Variants in PSME4 observed in about 807,000 individuals in gnomAD.
The protein encoded by PSME4 is proteasome activator complex subunit 4.
PSME4 carries 89 observed loss-of-function variants against 253.9 expected under a neutral mutation model. That is an observed-to-expected ratio of 0.35 (90% CI 0.30 to 0.42). PSME4 has a LOEUF of 0.42. Among genes scored for constraint, PSME4 ranks in the 10% least tolerant of loss-of-function variants. The pLI is 1.00. For missense variants in PSME4, 2,014 were observed against 2,195.2 expected, an observed-to-expected ratio of 0.92 and a Z score of 1.65; for synonymous variants, 851 against 759.2, an observed-to-expected ratio of 1.12 and a Z score of -1.99.
chr2:53,895,598 TA>T lies in PSME4; in HGVS notation c.3826del (p.Tyr1276ThrfsTer27). 1 of 1,612,216 alleles carries T rather than the reference TA, an allele frequency of 6.2e-7. No homozygotes were observed. Among genetic ancestry groups the T allele is most frequent in the Non-Finnish European group, 8.5e-7 (1 of 1,179,232 alleles). ...SCFVEKTHWG[Y>X]YTWPKNMVVY... The stretch of plus-strand genomic sequence containing the variant: ...AGTTACTTACTTTGGCCAGGTGTAG[TA>T]TCCCCAGTGAGTTTTTTCCACAAAG... On this transcript the variant is annotated frameshift_variant, in exon 33 of 47. Transcript: ENST00000404125. LOFTEE classifies it high-confidence loss of function.
At chr2:53,897,499 C>A (rs1364721721) in intron 31 of PSME4, among the ~76,000 whole-genome samples, 2 of 152,106 alleles carry the variant, frequency 1.3e-5, no homozygotes, top group Non-Finnish European at 2.9e-5. Context: ...AGGTCTTTCT[C>A]CAATGCTTCA....
At chr2:53,930,777 T>C (rs1410766476) in intron 10 of PSME4, among the ~76,000 whole-genome samples, 1 of 152,184 alleles carries the variant, frequency 6.6e-6, no homozygotes, top group Non-Finnish European at 1.5e-5. Flanking sequence ...GGCTATAGTC[T>C]GAATTCTACC....
At chr2:53,872,815 T>C (rs1678946321) in intron 43 of PSME4, among the ~76,000 whole-genome samples, 4 of 136,002 alleles carry the variant, frequency 2.9e-5, no homozygotes, top group African/African-American at 1.1e-4. Flanking sequence ...ATGCAAGCGG[T>C]ATAATAATTA....
At chr2:53,911,807 A>G (rs1413081022) in intron 20 of PSME4, among the ~76,000 whole-genome samples, 1 of 152,222 alleles carries the variant, frequency 6.6e-6, no homozygotes, top group Non-Finnish European at 1.5e-5. Flanking sequence ...AATTAAAAAA[A>G]GCATTCTTTA....
rs138551875 is a variant in PSME4 at position 53,959,268 on chromosome 2, G to C, written c.243-9985C>G. On this transcript the variant is annotated intron_variant, in intron 1 of 46. Transcript: ENST00000404125. ...TAGTCCCAGCTATTTGGGAGGCTGAGGCAGGAGAATCGCTGGAACCCAGGA... is the reference window on the plus strand; with the variant it reads ...TAGTCCCAGCTATTTGGGAGGCTGACGCAGGAGAATCGCTGGAACCCAGGA... 2.7e-3 allele frequency among the ~76,000 whole-genome samples: 418 copies of C among 152,234 alleles called. 2 individuals carry two copies. The highest frequency in any genetic ancestry group is 9.3e-3 in the African/African-American group (388 of 41,528).
At chr2:53,969,675 G>A (rs1265243648) in intron 1 of PSME4, among the ~76,000 whole-genome samples, 5 of 141,774 alleles carry the variant, frequency 3.5e-5, no homozygotes. Context: ...TTCCCCCACT[G>A]TATTTTCACT....
In PSME4 at chr2:53,908,472, G is replaced by A. The variant is rs184481196; in HGVS notation, c.2685+38C>T. ...GCAAGTCATCAATCCAAGCTTGATC[G>A]TATTAATCATTATGCAACTATCAAA... On this transcript the variant is annotated intron_variant, in intron 23 of 46. Transcript: ENST00000404125. The A allele has an allele frequency of 6.5e-4, 1,054 of 1,610,392 alleles. 10 individuals are homozygous for A. In the Admixed American group the frequency reaches 0.015, roughly 24 times the overall value.
At chr2:53,948,041 C>T (rs1045037241) in intron 3 of PSME4, among the ~76,000 whole-genome samples, 6 of 152,056 alleles carry the variant, frequency 3.9e-5, no homozygotes, top group Non-Finnish European at 7.4e-5. Flanking sequence ...ATAAGCCAAA[C>T]GTGCTAAAAC....
At chr2:53,918,426 T>C (rs1012657792) in intron 20 of PSME4, among the ~76,000 whole-genome samples, 2 of 152,168 alleles carry the variant, frequency 1.3e-5, no homozygotes, top group African/African-American at 4.8e-5. Context: ...TGATCTCAGC[T>C]CCCTGCAACC....
chr2:53,930,541 G>A (rs1284517848), intron 10 of PSME4, among the ~76,000 whole-genome samples: 1 of 152,182 alleles, frequency 6.6e-6, no homozygotes, highest in Non-Finnish European at 1.5e-5. Flanking sequence ...CTATAAGCTG[G>A]AAGAGTTTCA....
At chr2:53,946,364 G>T (rs1345063784) in intron 3 of PSME4, among the ~76,000 whole-genome samples, 1 of 152,128 alleles carries the variant, frequency 6.6e-6, no homozygotes, top group Admixed American at 6.5e-5. Context: ...AAGGATAACT[G>T]ATCTGAACAC....
intron 33 of PSME4, 144 bp from the exon 34 acceptor site, chr2:53,895,220 CTTAAAAAT>C: frequency 1.5e-6 from 1 of 648,848 alleles, no homozygotes; most frequent in Non-Finnish European, 2.6e-6. Context: ...CAGTCTAGGC[CTTAAAAAT>C]CTATCAGATC....
At chr2:53,949,032 C>T in intron 2 of PSME4, 111 bp downstream of exon 2, 1 of 1,349,952 alleles carries the variant, frequency 7.4e-7, no homozygotes, top group South Asian at 1.9e-5. Flanking sequence ...AATCATTTTC[C>T]AAATTGGCAA....
At chr2:53,888,579 A>G (rs1240198488) in intron 38 of PSME4, 142 bp downstream of exon 38, 2 of 541,036 alleles carry the variant, frequency 3.7e-6, no homozygotes, top group Non-Finnish European at 6.4e-6. Flanking sequence ...CACATGTTAT[A>G]TGGAACCAGA....
chr2:53,895,717 G>T lies in PSME4; in HGVS notation c.3708C>A (p.Thr1236=). Residue 1236 remains threonine (T), a synonymous_variant, in exon 33 of 47, where the codon ACC becomes ACA. Transcript: ENST00000404125. ...CAGGCCTATCACCAGCAATAATTTG[G>T]GTGGGTTTAGGGCATCCACCTAAGG... is the stretch of plus-strand genomic sequence containing the variant. ...PCEISGCPKP[T]QIIAGDRPDN... is the part of the protein sequence containing the mutation. The T allele has an allele frequency of 6.2e-7, 1 of 1,609,970 alleles. No individual in the cohort carries two copies. Among genetic ancestry groups the T allele is most frequent in the Middle Eastern group, 1.7e-4 (1 of 6,046 alleles).
At position 53,920,260 on chromosome 2, in the gene PSME4, C is replaced by A. The variant is rs1469821583; in HGVS notation, c.2353G>T (p.Asp785Tyr). The A allele has an allele frequency of 2.1e-5, 34 of 1,613,606 alleles. No homozygotes were observed. The highest frequency in any genetic ancestry group is 2.8e-5 in the Non-Finnish European group (33 of 1,179,720). The change falls in exon 19 of 47, where the codon GAC (aspartate) becomes TAC (tyrosine). Residue 785 changes from aspartate (D) to tyrosine (Y), a missense_variant. Transcript: ENST00000404125. ...ACGAGCTCAGGCTGAAGAAAGGAGT[C>A]CAAAAGATAAAAGGCAAAAGACACT... ...EEVSFAFYLL[D>Y]SFLQPELVKL... is the part of the protein sequence containing the mutation.
intron 1 of PSME4, among the ~76,000 whole-genome samples, chr2:53,967,733 G>A (rs1670812845): frequency 6.8e-6 from 1 of 147,218 alleles, no homozygotes; most frequent in Non-Finnish European, 1.5e-5. Flanking sequence ...CCAGAACTTG[G>A]TCCCAAACAC....
At position 53,950,720 on chromosome 2, in the gene PSME4, A is replaced by G. The variant is rs547764231; in HGVS notation, c.243-1437T>C. ...GCCAGGCGTGGTGGCACATGCCTGT[A>G]ATCCCAGCTACTAGGGAGGCTGAGG... is the stretch of plus-strand genomic sequence containing the variant. On this transcript the variant is annotated intron_variant, in intron 1 of 46. Transcript: ENST00000404125. Among the ~76,000 whole-genome samples the G allele has an allele frequency of 3.3e-5, 5 of 152,142 alleles. No homozygotes were observed. The East Asian group carries it at 9.7e-4, about 30-fold the overall frequency.
chr2:53,867,500 A>AG (rs373120892), intron 44 of PSME4, among the ~76,000 whole-genome samples: 3 of 128,412 alleles, frequency 2.3e-5, no homozygotes, highest in African/African-American at 8.5e-5. Context: ...CTCCGTCTCA[A>AG]GGAAAAAAAA....
Sources: gnomAD v4.1 joint callset for allele counts (sites outside exome capture counted in the v4.1 genomes callset) on GRCh38, gnomAD v4.1.1 for gene constraint, MANE v1.5 for transcripts, NCBI Gene and HGNC (gene_info 2026-07-23, HGNC 2026-07-21) for gene names.